AGBL1: variants seen among roughly 807,000 people sequenced by gnomAD.
AGBL1 encodes cytosolic carboxypeptidase 4.
In AGBL1, 130 loss-of-function variants were observed where a neutral mutation model predicts 118.9. The ratio of observed to expected loss-of-function variants is 1.09; its 90% CI spans 0.95 to 1.26. AGBL1 has a LOEUF of 1.26. Among genes scored for constraint, AGBL1 ranks in the 50% most tolerant of loss-of-function variants. AGBL1 has a pLI of 0.00. For missense variants in AGBL1, 1,584 were observed against 1,298.1 expected, an observed-to-expected ratio of 1.22 and a Z score of -3.38; for synonymous variants, 555 against 478.9, an observed-to-expected ratio of 1.16 and a Z score of -2.08.
intron 22 of AGBL1, among the ~76,000 whole-genome samples, chr15:86,817,649 A>G (rs1286056679): frequency 1.4e-5 from 1 of 73,922 alleles, no homozygotes; most frequent in Non-Finnish European, 3.4e-5. Flanking sequence ...ACACACACAG[A>G]CACACACACA....
At chr15:86,195,098 T>G (rs2077780899) in intron 5 of AGBL1, among the ~76,000 whole-genome samples, 1 of 152,310 alleles carries the variant, frequency 6.6e-6, no homozygotes, top group South Asian at 2.1e-4. Context: ...ATGCATTTAT[T>G]GAGAGCTTAC....
intron 22 of AGBL1, among the ~76,000 whole-genome samples, chr15:86,902,165 G>A (rs2080220686): frequency 6.6e-6 from 1 of 152,114 alleles, no homozygotes; most frequent in African/African-American, 2.4e-5. Flanking sequence ...TACAAAGTAT[G>A]CTTTGAGTTT....
chr15:86,140,512 A>G (rs7164973), intron 1 of AGBL1, among the ~76,000 whole-genome samples: 1 of 152,184 alleles, frequency 6.6e-6, no homozygotes, highest in Non-Finnish European at 1.5e-5. Context: ...GGAAAGATAT[A>G]TACACAAAAC....
intron 5 of AGBL1, among the ~76,000 whole-genome samples, chr15:86,196,782 C>T (rs1426193270): frequency 6.6e-6 from 1 of 151,828 alleles, no homozygotes; most frequent in Non-Finnish European, 1.5e-5. Context: ...AACCTTAATC[C>T]TATAGGACTG....
chr15:86,264,212 C>T (rs1212483704), intron 10 of AGBL1, 46 bp from the exon 11 acceptor site: 1 of 1,410,720 alleles, frequency 7.1e-7, no homozygotes, highest in Non-Finnish European at 9.6e-7. Flanking sequence ...GTATTCCCTA[C>T]CTGGAAGGAC....
intron 21 of AGBL1, among the ~76,000 whole-genome samples, chr15:86,632,288 A>T (rs1480184005): frequency 6.6e-6 from 1 of 151,134 alleles, no homozygotes; most frequent in Non-Finnish European, 1.5e-5. Flanking sequence ...AAAAAAAAAA[A>T]AAAAGGCTGG....
At chr15:86,269,761 A>G (rs1245449409) in intron 13 of AGBL1, among the ~76,000 whole-genome samples, 158 bp from the exon 14 acceptor site, 1 of 152,154 alleles carries the variant, frequency 6.6e-6, no homozygotes, top group Non-Finnish European at 1.5e-5. Flanking sequence ...TCTGTACCCA[A>G]TATTGTGGTA....
chr15:86,917,582 C>T (rs1222427599), downstream of AGBL1, among the ~76,000 whole-genome samples: 1 of 152,196 alleles, frequency 6.6e-6, no homozygotes, highest in East Asian at 1.9e-4. This position sits in a 1 kb window ranked among gnomAD's most constrained non-coding sequence, Gnocchi z 4.8. Flanking sequence ...ATGCGGATCA[C>T]CTCTACAACC....
At chr15:86,771,123 C>T (rs1027322779) in intron 22 of AGBL1, among the ~76,000 whole-genome samples, 7 of 152,012 alleles carry the variant, frequency 4.6e-5, no homozygotes, top group African/African-American at 1.7e-4. Context: ...GTCCCTGAAT[C>T]ACTGCATAAA....
chr15:87,028,022 C>A (rs1353254335), intron 24 of AGBL1, among the ~76,000 whole-genome samples: 1 of 133,560 alleles, frequency 7.5e-6, no homozygotes, highest in African/African-American at 3.1e-5. Context: ...ACATCCTGCG[C>A]ACATACACTG....
intron 5 of AGBL1, among the ~76,000 whole-genome samples, chr15:86,216,265 C>G (rs2078187468): frequency 6.7e-6 from 1 of 149,376 alleles, no homozygotes; most frequent in African/African-American, 2.5e-5. Context: ...TTCATTTATG[C>G]TTAAGTGCCC....
intron 21 of AGBL1, among the ~76,000 whole-genome samples, chr15:86,645,129 T>G (rs1352219900): frequency 6.6e-6 from 1 of 152,220 alleles, no homozygotes; most frequent in Non-Finnish European, 1.5e-5. Context: ...TAATATTATC[T>G]TCTTAATGTT....
At chr15:86,423,792 A>G (rs1200373379) in intron 18 of AGBL1, among the ~76,000 whole-genome samples, 2 of 152,212 alleles carry the variant, frequency 1.3e-5, no homozygotes, top group Non-Finnish European at 2.9e-5. Context: ...ATTGCTACAA[A>G]GATAATAAAA....
At chr15:86,537,902 G>C (rs1252521606) in intron 19 of AGBL1, among the ~76,000 whole-genome samples, 1 of 152,058 alleles carries the variant, frequency 6.6e-6, no homozygotes, top group Admixed American at 6.6e-5. Flanking sequence ...AATAATAGAC[G>C]TTAAAATCAT....
intron 18 of AGBL1, among the ~76,000 whole-genome samples, chr15:86,490,454 C>A (rs190481478): frequency 6.6e-6 from 1 of 152,068 alleles, no homozygotes; most frequent in East Asian, 1.9e-4. Flanking sequence ...GTCATTCACA[C>A]GGGCAGGAGG....
intron 17 of AGBL1, among the ~76,000 whole-genome samples, chr15:86,351,236 G>C (rs2080621285): frequency 6.6e-6 from 1 of 152,152 alleles, no homozygotes; most frequent in African/African-American, 2.4e-5. Flanking sequence ...CTAGGTAAGA[G>C]AGAGGCAAAA....
chr15:86,341,541 A>C (rs532160731), intron 17 of AGBL1, among the ~76,000 whole-genome samples: 1 of 152,308 alleles, frequency 6.6e-6, no homozygotes, highest in Admixed American at 6.5e-5. Flanking sequence ...GGAAGGGTAC[A>C]TCTACTATAT....
At chr15:86,629,488 A>G (rs2084933915) in intron 21 of AGBL1, among the ~76,000 whole-genome samples, 1 of 152,190 alleles carries the variant, frequency 6.6e-6, no homozygotes, top group African/African-American at 2.4e-5. Context: ...TTGCTTATAC[A>G]AAGTTAACTA....
chr15:86,638,963 G>A (rs545263325), intron 21 of AGBL1, among the ~76,000 whole-genome samples: 1 of 152,126 alleles, frequency 6.6e-6, no homozygotes, highest in South Asian at 2.1e-4. Context: ...GCTGGTAGAC[G>A]GGATTCAGTT....
Sources: gnomAD v4.1 joint callset for allele counts (sites outside exome capture counted in the v4.1 genomes callset) on GRCh38, gnomAD v4.1.1 for gene constraint, Gnocchi (gnomAD v3.1) non-coding constraint, MANE v1.5 for transcripts, NCBI Gene and HGNC (gene_info 2026-07-23, HGNC 2026-07-21) for gene names.